The following TMEM225 variants were observed in gnomAD, a reference collection of about 807,000 sequenced individuals.
The protein encoded by TMEM225 is PMP22 claudin domain-containing protein.
TMEM225 carries 10 observed loss-of-function variants against 17.6 expected under a neutral mutation model. That is an observed-to-expected ratio of 0.57 (90% confidence interval 0.35 to 0.96). The LOEUF (loss-of-function observed/expected upper bound fraction) is 0.96, where lower values mean the gene tolerates loss of function less well. Ranked by LOEUF, TMEM225 falls within the 40% of genes least tolerant of loss-of-function variation. TMEM225 has a pLI of 0.02. For missense variants in TMEM225, 245 were observed against 271.5 expected (o/e 0.90, Z 0.69); for synonymous variants, 101 against 94.5 (o/e 1.07, Z -0.40).
At chr11:123,885,154 T>C in intron 1 of TMEM225, 91 bp downstream of exon 1, 2 of 1,170,438 alleles carry the variant, frequency 1.7e-6, no homozygotes, top group South Asian at 1.5e-5. Flanking sequence ...AAATAATGGG[T>C]ACACTGGTGA....
At chr11:123,883,955 G>A (rs1863000712) in intron 3 of TMEM225, 120 bp downstream of exon 3, 1 of 1,076,346 alleles carries the variant, frequency 9.3e-7, no homozygotes. Context: ...ATCCAGGTGA[G>A]CTGCAGCCTT....
intron 3 of TMEM225, 61 bp from the exon 4 acceptor site, chr11:123,883,413 T>A: frequency 7.4e-7 from 1 of 1,350,092 alleles, no homozygotes; most frequent in Non-Finnish European, 1.1e-6. Context: ...GAAACAATTC[T>A]CTCCAATTTG....
intron 3 of TMEM225, among the ~76,000 whole-genome samples, chr11:123,883,839 A>G (rs1334930146): frequency 2.6e-5 from 4 of 152,094 alleles, no homozygotes; most frequent in Admixed American, 6.5e-5. Flanking sequence ...GTGAAAGGCA[A>G]ATAAAAGGCG....
chr11:123,884,435 A>G lies in TMEM225; in HGVS notation c.328+55T>C, dbSNP rs1032847717. The G allele has an allele frequency of 6.0e-5, 92 of 1,525,772 alleles. 2 individuals carry two copies. The South Asian group carries it at 1.1e-3, about 19-fold the overall frequency. The allele number at this position is 1,525,772 out of a possible 1,614,324, so 94.5% of individuals were successfully genotyped here. A position where few individuals can be genotyped will look rare whatever the true frequency, so the allele number is the denominator to read the frequency against. On this transcript the variant is annotated intron_variant, in intron 2 of 3. Coordinates refer to ENST00000375026, the MANE Select transcript of TMEM225 (RefSeq NM_001013743.3). Reference sequence around the variant, plus strand: ...TATAGTTTTCAGAGACTGCAGCCTGAACCCACCCATCAAAGTACACCTACA... The same window carrying G: ...TATAGTTTTCAGAGACTGCAGCCTGGACCCACCCATCAAAGTACACCTACA...
rs1250635248 is a variant in TMEM225, at chr11:123,885,617, C to G, written c.-192G>C. On this transcript the variant is annotated 5_prime_UTR_variant, in exon 1 of 4. It removes the in-frame stop codon of an upstream open reading frame in the 5' UTR. Transcript: ENST00000375026. ...ACCCTTCCTCACTTCCGTTATCTAT[C>G]AGGGCCAGCCTGCTGTCAGGACTGC... is the stretch of plus-strand genomic sequence containing the variant. 3.4e-6 allele frequency: 2 copies of G among 589,986 alleles called. No homozygotes were observed. 36.5% of individuals were successfully genotyped at this position (589,986 alleles called of 1,614,324 possible). A position where few individuals can be genotyped will look rare whatever the true frequency, so the allele number is the denominator to read the frequency against.
At position 123,885,472 on chromosome 11, in the gene TMEM225, T is replaced by A. The variant is rs1199064443; in HGVS notation, c.-47A>T. The A allele has an allele frequency of 1.9e-6, 3 of 1,556,466 alleles. No homozygotes were observed. Among genetic ancestry groups the A allele is most frequent in the Non-Finnish European group, 2.6e-6 (3 of 1,142,806 alleles). On this transcript the variant is annotated 5_prime_UTR_variant, in exon 1 of 4. Coordinates refer to ENST00000375026, the MANE Select transcript of TMEM225 (RefSeq NM_001013743.3). Reference sequence around the variant, plus strand: ...GGAACCACCACCACTATTTTGTAGATCTCTTCCTTGATTTGATTAGTTACA... The same window carrying A: ...GGAACCACCACCACTATTTTGTAGAACTCTTCCTTGATTTGATTAGTTACA...
Position 123,885,353 on chromosome 11 carries a change from C to A in TMEM225, c.73G>T (p.Val25Leu), listed in dbSNP as rs771821395. 1 of 1,613,602 alleles carries A rather than the reference C, an allele frequency of 6.2e-7. No homozygotes were observed. Among genetic ancestry groups the A allele is most frequent in the Non-Finnish European group, 8.5e-7 (1 of 1,179,692 alleles). ...LFSSWAVVLM[V>L]MGITLDKWVE... The stretch of plus-strand genomic sequence containing the variant: ...CATTTATCTAAGGTGATTCCCATCA[C>A]CATTAAGACTACGGCCCAGGAGGAG... The change falls in exon 1 of 4, where the codon GTG (valine) becomes TTG (leucine). Residue 25 changes from valine to leucine, a missense_variant. Physicochemically the swap from Val to Leu is conservative, Grantham distance 32 (BLOSUM62 1). Coordinates refer to ENST00000375026, the MANE Select transcript of TMEM225 (RefSeq NM_001013743.3).
chr11:123,884,213 A>C lies in TMEM225; in HGVS notation c.329-4T>G. On this transcript the variant is annotated splice_region_variant and splice_polypyrimidine_tract_variant and intron_variant, in intron 2 of 3. Coordinates refer to ENST00000375026, the MANE Select transcript of TMEM225 (RefSeq NM_001013743.3). Reference sequence around the variant, plus strand: ...AGTGCCCAGAGCAGAGAGATACCTGATGTCCAGACAAAAAAAAAAAAAAAA... The same window carrying C: ...AGTGCCCAGAGCAGAGAGATACCTGCTGTCCAGACAAAAAAAAAAAAAAAA... The C allele has an allele frequency of 8.5e-7, 1 of 1,174,746 alleles. No individual in the cohort carries two copies. The highest frequency in any genetic ancestry group is 1.5e-5 in the South Asian group (1 of 66,392). The allele number at this position is 1,174,746 out of a possible 1,614,324, so 72.8% of individuals were successfully genotyped here.
At chr11:123,884,374 A>C (rs1863009922) in intron 2 of TMEM225, 116 bp downstream of exon 2, 5 of 1,302,766 alleles carry the variant, frequency 3.8e-6, no homozygotes, top group Non-Finnish European at 5.2e-6. Flanking sequence ...TCCTGCTTTT[A>C]TGGTAGATCT....
rs61366176 is a variant in TMEM225, at chr11:123,884,222, C to CAAAAAAAAA, written c.329-22_329-14dup. On this transcript the variant is annotated splice_polypyrimidine_tract_variant and intron_variant, in intron 2 of 3. Transcript: ENST00000375026. ...AGCAGAGAGATACCTGATGTCCAGA[C>CAAAAAAAAA]AAAAAAAAAAAAAAAAAAAGAAAAA... 9.5e-5 allele frequency: 117 copies of CAAAAAAAAA among 1,236,140 alleles called. No individual in the cohort carries two copies. The highest frequency in any genetic ancestry group is 6.1e-4 in the South Asian group (30 of 49,338). The allele number at this position is 1,236,140 out of a possible 1,614,324, so 76.6% of individuals were successfully genotyped here. A position where few individuals can be genotyped will look rare whatever the true frequency, so the allele number is the denominator to read the frequency against.
intron 3 of TMEM225, 148 bp downstream of exon 3, chr11:123,883,927 A>G (rs1427587823): frequency 1.2e-6 from 1 of 818,714 alleles, no homozygotes; most frequent in Non-Finnish European, 1.8e-6. Flanking sequence ...TCTTGGAGGA[A>G]CTGTCATCAG....
intron 3 of TMEM225, 42 bp downstream of exon 3, chr11:123,884,033 G>C: frequency 6.4e-7 from 1 of 1,559,318 alleles, no homozygotes; most frequent in Non-Finnish European, 8.6e-7. Context: ...GTCGGGGATG[G>C]ATTGGTTCTT....
At chr11:123,884,711 C>T in intron 1 of TMEM225, 75 bp from the exon 2 acceptor site, 1 of 1,429,826 alleles carries the variant, frequency 7.0e-7, no homozygotes. Context: ...GTCCAGAAGT[C>T]TCTAGGTGAA....
chr11:123,883,014 C>A lies in TMEM225; in HGVS notation c.*124G>T. 1.3e-6 allele frequency: 1 copy of A among 743,230 alleles called. No homozygotes were observed. Among genetic ancestry groups the A allele is most frequent in the Non-Finnish European group, 2.1e-6 (1 of 467,054 alleles). 46.0% of individuals were successfully genotyped at this position (743,230 alleles called of 1,614,324 possible). On this transcript the variant is annotated 3_prime_UTR_variant, in exon 4 of 4. Coordinates refer to ENST00000375026, the MANE Select transcript of TMEM225 (RefSeq NM_001013743.3). The stretch of plus-strand genomic sequence containing the variant: ...CCAGGATTTTTTAAAAAACCATCTT[C>A]CAGATCTTTTTACAAACCCCAACCA...
chr11:123,884,603 G>C lies in TMEM225; in HGVS notation c.215C>G (p.Ser72Trp), dbSNP rs773180306. Reference protein sequence around the residue: ...DLKVVRIMMTSSLGLSFLLNL... With the variant: ...DLKVVRIMMTWSLGLSFLLNL... Reference sequence around the variant, plus strand: ...AAGGAGGAAGGAAAGGCCAAGGCTCGACGTCATCATAATCCTGACCACTTT... The same window carrying C: ...AAGGAGGAAGGAAAGGCCAAGGCTCCACGTCATCATAATCCTGACCACTTT... The change falls in exon 2 of 4, where the codon TCG becomes TGG. Residue 72 changes from serine (S) to tryptophan (W), a missense_variant. Transcript: ENST00000375026. 1.2e-6 allele frequency: 2 copies of C among 1,613,162 alleles called. No individual in the cohort carries two copies. The highest frequency in any genetic ancestry group is 1.7e-6 in the Non-Finnish European group (2 of 1,179,494).
rs544050022 is a variant in TMEM225, at chr11:123,883,176, T to G, written c.640A>C (p.Lys214Gln). 2.2e-5 allele frequency: 35 copies of G among 1,613,504 alleles called. No individual in the cohort carries two copies. The South Asian group carries it at 3.8e-4, about 18-fold the overall frequency. ...GTTACGTGACGTGTTTGGACTTTTTTGTTTAGGGAATTCACAGTGTGTGCA... is the reference window on the plus strand; with the variant it reads ...GTTACGTGACGTGTTTGGACTTTTTGGTTTAGGGAATTCACAGTGTGTGCA... ...VRAHTVNSLN[K>Q]KVQTRHVTWA... The change falls in exon 4 of 4, where the codon AAA (lysine) becomes CAA (glutamine). Residue 214 changes from lysine (K) to glutamine (Q), a missense_variant. Transcript: ENST00000375026.
At chr11:123,884,768 G>A in intron 1 of TMEM225, 132 bp from the exon 2 acceptor site, 5 of 868,560 alleles carry the variant, frequency 5.8e-6, no homozygotes, top group South Asian at 4.3e-5. Flanking sequence ...GAAAGAAGTT[G>A]GAAAATAACA....
Position 123,884,549 on chromosome 11 carries a change from T to G in TMEM225, c.269A>C (p.Tyr90Ser). Residue 90 changes from tyrosine (Y) to serine (S), a missense_variant, in exon 2 of 4, where the codon TAT becomes TCT. Tyr to Ser is a moderately radical substitution (Grantham distance 144, BLOSUM62 -2). Transcript: ENST00000375026. ...LNLILGMKFT[Y>S]LIPQNKYIQL... is the part of the protein sequence containing the mutation. ...TATATATTTATTTTGAGGAATCAGA[T>G]AGGTGAATTTCATACCCAGGATTAA... 1 of 1,613,320 alleles carries G rather than the reference T, an allele frequency of 6.2e-7. No homozygotes were observed. Among genetic ancestry groups the G allele is most frequent in the Non-Finnish European group, 8.5e-7 (1 of 1,179,572 alleles).
chr11:123,883,137 A>C lies in TMEM225; in HGVS notation c.*1T>G. 1 of 1,612,906 alleles carries C rather than the reference A, an allele frequency of 6.2e-7. No individual in the cohort carries two copies. The highest frequency in any genetic ancestry group is 8.5e-7 in the Non-Finnish European group (1 of 1,179,146). On this transcript the variant is annotated 3_prime_UTR_variant, in exon 4 of 4. Transcript: ENST00000375026. ...TATACTGCAAGAAATAGATTGCCAA[A>C]TCACAGAGCCCAGGTTACGTGACGT... is the stretch of plus-strand genomic sequence containing the variant.
Sources: allele counts gnomAD v4.1 joint callset (sites outside exome capture counted in the v4.1 genomes callset), GRCh38; gene constraint gnomAD v4.1.1; transcripts MANE v1.5; gene names NCBI Gene and HGNC (gene_info 2026-07-23, HGNC 2026-07-21).